LOC128462377: variants seen among roughly 807,000 people sequenced by gnomAD.
the LOC128462377 span, among the ~76,000 whole-genome samples, chr16:89,357,574 G>A: frequency 6.6e-6 from 1 of 152,208 alleles, no homozygotes; most frequent in African/African-American, 2.4e-5. Flanking sequence ...GTACTTCGAC[G>A]TTCACAGTTC....
chr16:89,380,053 C>T, the LOC128462377 span, among the ~76,000 whole-genome samples: 34 of 152,302 alleles, frequency 2.2e-4, no homozygotes, highest in Admixed American at 1.0e-3. Context: ...AGCTCCTCTG[C>T]CACCAGAAAT....
At chr16:89,381,388 T>G in the LOC128462377 span, among the ~76,000 whole-genome samples, 2 of 148,214 alleles carry the variant, frequency 1.3e-5, no homozygotes, top group Non-Finnish European at 3.0e-5. Flanking sequence ...TTCAGACTAT[T>G]AGAAGCAAGA....
chr16:89,347,607 T>TA, the LOC128462377 span, among the ~76,000 whole-genome samples: 64,009 of 127,132 alleles, frequency 0.5, 15,423 homozygotes, highest in Middle Eastern at 0.62. Flanking sequence ...CGAGACTCCG[T>TA]AAAAAAAAAA....
At chr16:89,324,802 G>C in the LOC128462377 span, 4 of 288,690 alleles carry the variant, frequency 1.4e-5, no homozygotes, top group Admixed American at 1.0e-4. Flanking sequence ...CCCGACTTTT[G>C]AGGTTTGGGG....
chr16:89,364,342 C>T, the LOC128462377 span, among the ~76,000 whole-genome samples: 10 of 152,206 alleles, frequency 6.6e-5, no homozygotes, highest in African/African-American at 2.2e-4. Context: ...ATTAAGAGAA[C>T]TCATAAATCA....
chr16:89,417,276 G>A, the LOC128462377 span, among the ~76,000 whole-genome samples: 3 of 152,212 alleles, frequency 2.0e-5, no homozygotes, highest in Admixed American at 1.3e-4. Context: ...TTTGCTGGGA[G>A]TAACAACACA....
At chr16:89,341,201 C>T in the LOC128462377 span, among the ~76,000 whole-genome samples, 1 of 152,198 alleles carries the variant, frequency 6.6e-6, no homozygotes, top group Non-Finnish European at 1.5e-5. Flanking sequence ...TGGGTGAGAT[C>T]CGCGGAGAAG....
chr16:89,329,470 G>A, the LOC128462377 span, among the ~76,000 whole-genome samples: 1 of 152,216 alleles, frequency 6.6e-6, no homozygotes, highest in Non-Finnish European at 1.5e-5. Context: ...TATACTTTTA[G>A]GTGATGGTGT....
At chr16:89,401,713 CTA>C in the LOC128462377 span, among the ~76,000 whole-genome samples, 1 of 152,150 alleles carries the variant, frequency 6.6e-6, no homozygotes, top group African/African-American at 2.4e-5. Flanking sequence ...GGTGAGATCG[CTA>C]GGGTGGGCCC....
chr16:89,382,208 T>C, the LOC128462377 span, among the ~76,000 whole-genome samples: 16 of 152,252 alleles, frequency 1.1e-4, 1 homozygote, highest in African/African-American at 3.6e-4. Context: ...CAAATGGATT[T>C]AAGGCCACTG....
At chr16:89,398,929 T>C in the LOC128462377 span, among the ~76,000 whole-genome samples, 3 of 152,262 alleles carry the variant, frequency 2.0e-5, no homozygotes, top group Middle Eastern at 3.4e-3. Flanking sequence ...GGGCAGTCTC[T>C]GGACAAGGCC....
chr16:89,353,247 CAGG>C, the LOC128462377 span, among the ~76,000 whole-genome samples: 1 of 151,588 alleles, frequency 6.6e-6, no homozygotes, highest in Non-Finnish European at 1.5e-5. Flanking sequence ...GAGGCTGAGG[CAGG>C]AGAATTGCTT....
the LOC128462377 span, among the ~76,000 whole-genome samples, chr16:89,400,753 A>C: frequency 3.7e-4 from 16 of 43,020 alleles, no homozygotes; most frequent in South Asian, 9.8e-4. Context: ...GCGCTGGGGG[A>C]TGGTCATCTG....
the LOC128462377 span, among the ~76,000 whole-genome samples, chr16:89,341,000 C>G: frequency 6.6e-6 from 1 of 152,234 alleles, no homozygotes. Flanking sequence ...AGACCAGACT[C>G]ACCAACACAC....
At chr16:89,337,676 G>A in the LOC128462377 span, among the ~76,000 whole-genome samples, 1 of 151,918 alleles carries the variant, frequency 6.6e-6, no homozygotes, top group African/African-American at 2.4e-5. Context: ...TCCTGACCTC[G>A]GGATCCACCC....
chr16:89,373,272 C>G, the LOC128462377 span: 1 of 152,348 alleles, frequency 6.6e-6, no homozygotes, highest in East Asian at 1.9e-4. Context: ...AAAATTATCC[C>G]CAGATAAGTG....
the LOC128462377 span, among the ~76,000 whole-genome samples, chr16:89,384,874 G>GTTTTTTTTTTTT: frequency 6.9e-5 from 5 of 72,746 alleles, no homozygotes; most frequent in African/African-American, 2.3e-4. Context: ...ATGAGAAATA[G>GTTTTTTTTTTTT]TTTTCTTTTT....
chr16:89,332,012 TG>T, the LOC128462377 span, among the ~76,000 whole-genome samples: 405 of 152,204 alleles, frequency 2.7e-3, 2 homozygotes, highest in Non-Finnish European at 1.2e-3. Flanking sequence ...CTCAGTAGCA[TG>T]CAGTGGCTGA....
chr16:89,383,538 G>A, the LOC128462377 span, among the ~76,000 whole-genome samples: 1 of 152,250 alleles, frequency 6.6e-6, no homozygotes, highest in Admixed American at 6.5e-5. Context: ...CTGCAAGAAG[G>A]AAGAGCCATG....
Sources: allele counts gnomAD v4.1 joint callset (sites outside exome capture counted in the v4.1 genomes callset), GRCh38; gene constraint gnomAD v4.1.1; transcripts MANE v1.5.